ZNF721: variants seen among roughly 807,000 people sequenced by gnomAD.
ZNF721 encodes the protein zinc finger protein 721.
A neutral mutation model predicts 2.4 loss-of-function variants in ZNF721; 2 were observed. The observed-to-expected ratio is 0.82, with a 90% CI of 0.34 to 2.58. The LOEUF (loss-of-function observed/expected upper bound fraction) is 2.58. Ranked by LOEUF, ZNF721 falls within the 30% of genes most tolerant of loss-of-function variation. The pLI, the probability that ZNF721 is intolerant of heterozygous loss-of-function variation, is 0.11. For synonymous variants in ZNF721, 398 were observed against 381.8 expected (o/e 1.04, Z -0.50); for missense variants, 1,187 against 1,085.5 (o/e 1.09, Z -1.31).
Position 441,707 on chromosome 4 carries a change from G to A in ZNF721, c.2760C>T (p.Thr920=). 6.2e-7 allele frequency: 1 copy of A among 1,607,436 alleles called. No homozygotes were observed. Among genetic ancestry groups the A allele is most frequent in the South Asian group, 1.1e-5 (1 of 90,484 alleles). ...TTTGCCACATTCTTTACACTTGTATGGTTTTATCTCCAGTATGAATTTTCT... is the reference window on the plus strand; with the variant it reads ...TTTGCCACATTCTTTACACTTGTATAGTTTTATCTCCAGTATGAATTTTCT... ...AHKKIHTGDK[T]IQV Residue 920 remains threonine (T), a synonymous_variant, in exon 3 of 3, where the codon ACC becomes ACT. Transcript: ENST00000511833.
chr4:469,239 A>C (rs1475514984), intron 2 of ZNF721, among the ~76,000 whole-genome samples: 2 of 152,160 alleles, frequency 1.3e-5, no homozygotes, highest in Non-Finnish European at 2.9e-5. Flanking sequence ...CTGCCCCAAC[A>C]TACAAATATT....
In ZNF721 at chr4:499,133, A is replaced by C. The variant is rs540300813; in HGVS notation, c.-171T>G. The C allele has an allele frequency of 1.9e-5, 11 of 588,022 alleles. No individual in the cohort carries two copies. Among genetic ancestry groups the C allele is most frequent in the South Asian group, 1.1e-4 (5 of 43,994 alleles). The allele number at this position is 588,022 out of a possible 1,614,324, so 36.4% of individuals were successfully genotyped here. On this transcript the variant is annotated 5_prime_UTR_variant, in exon 1 of 3. Coordinates refer to ENST00000511833, the MANE Select transcript of ZNF721 (RefSeq NM_133474.4). ...GCCGGGAACACCGCCCGCTGTTCGTATGTCCGAGGTGACGCCCCGCTGTGG... is the reference window on the plus strand; with the variant it reads ...GCCGGGAACACCGCCCGCTGTTCGTCTGTCCGAGGTGACGCCCCGCTGTGG...
chr4:486,727 G>A (rs1248348573), intron 1 of ZNF721, among the ~76,000 whole-genome samples: 3 of 152,176 alleles, frequency 2.0e-5, no homozygotes, highest in African/African-American at 7.2e-5. Flanking sequence ...TATGATCAGT[G>A]CATTATAGGT....
In ZNF721 at chr4:482,302, T is replaced by C. The variant is rs149578863; in HGVS notation, c.-93-9601A>G. ...CCTCAACCTCCTGAGCCACTAGGATTACAGGCATGTGCCACCACACCTGGC... is the reference window on the plus strand; with the variant it reads ...CCTCAACCTCCTGAGCCACTAGGATCACAGGCATGTGCCACCACACCTGGC... On this transcript the variant is annotated intron_variant, in intron 1 of 2. Transcript: ENST00000511833. Among the ~76,000 whole-genome samples the C allele has an allele frequency of 3.2e-3, 483 of 152,252 alleles. 3 individuals carry two copies. The highest frequency in any genetic ancestry group is 0.01 in the African/African-American group (426 of 41,560).
chr4:484,622 T>C (rs1276041033), intron 1 of ZNF721, among the ~76,000 whole-genome samples: 13 of 152,192 alleles, frequency 8.5e-5, no homozygotes, highest in African/African-American at 1.4e-4. Context: ...AGAGATGAAA[T>C]AGACTCCAGT....
At chr4:493,399 C>G (rs1473125870) in intron 1 of ZNF721, among the ~76,000 whole-genome samples, 1 of 152,198 alleles carries the variant, frequency 6.6e-6, no homozygotes, top group East Asian at 1.9e-4. Context: ...GTAATCTAGG[C>G]CAGATGCAGT....
chr4:489,539 G>A (rs1715973864), intron 1 of ZNF721, among the ~76,000 whole-genome samples: 1 of 152,130 alleles, frequency 6.6e-6, no homozygotes, highest in Non-Finnish European at 1.5e-5. Flanking sequence ...CTCTCAGCTT[G>A]CAGCCCCTGC....
intron 1 of ZNF721, among the ~76,000 whole-genome samples, chr4:480,581 C>A (rs782058984): frequency 6.6e-6 from 1 of 152,170 alleles, no homozygotes; most frequent in Non-Finnish European, 1.5e-5. Flanking sequence ...TTATGAAATA[C>A]ATCATTCTAC....
intron 1 of ZNF721, among the ~76,000 whole-genome samples, chr4:492,354 C>T (rs183600521): frequency 3.6e-4 from 54 of 152,090 alleles, no homozygotes; most frequent in African/African-American, 1.2e-3. Context: ...AAAACATTCC[C>T]GTTAGACCTC....
chr4:486,007 T>C (rs1191193674), intron 1 of ZNF721, among the ~76,000 whole-genome samples: 1 of 151,782 alleles, frequency 6.6e-6, no homozygotes, highest in African/African-American at 2.4e-5. Flanking sequence ...AATAGATAGA[T>C]TCTGGCTTAA....
intron 1 of ZNF721, among the ~76,000 whole-genome samples, chr4:488,519 G>A (rs1715948852): frequency 6.6e-6 from 1 of 152,134 alleles, no homozygotes; most frequent in African/African-American, 2.4e-5. Context: ...ATCATTCCTT[G>A]TTTACTGTAT....
At chr4:449,313 T>A (rs546322831) in intron 2 of ZNF721, among the ~76,000 whole-genome samples, 1 of 152,104 alleles carries the variant, frequency 6.6e-6, no homozygotes, top group East Asian at 1.9e-4. Flanking sequence ...CACAAAAGTA[T>A]AGATTTTCCA....
chr4:470,017 G>T (rs111554723), intron 2 of ZNF721, among the ~76,000 whole-genome samples: 48 of 152,238 alleles, frequency 3.2e-4, no homozygotes, highest in African/African-American at 1.1e-3. Context: ...CGAGTAGCTA[G>T]GACTACAGGC....
At chr4:474,118 C>G (rs574302181) in intron 1 of ZNF721, 12 of 1,117,324 alleles carry the variant, frequency 1.1e-5, no homozygotes, top group African/African-American at 1.6e-5. Context: ...AAGTGAGGCC[C>G]TAACCGAGCT....
intron 1 of ZNF721, among the ~76,000 whole-genome samples, chr4:495,244 A>G (rs1325220210): frequency 6.6e-6 from 1 of 151,332 alleles, no homozygotes; most frequent in African/African-American, 2.4e-5. Context: ...TAAAAACTCA[A>G]GAGCAGCCTG....
intron 2 of ZNF721, among the ~76,000 whole-genome samples, chr4:464,361 T>G (rs1299641555): frequency 1.3e-5 from 2 of 151,066 alleles, no homozygotes; most frequent in Non-Finnish European, 2.9e-5. Flanking sequence ...TCCTAGCTAC[T>G]TGGGGGCTGA....
chr4:466,892 C>T (rs1394459653), intron 2 of ZNF721, among the ~76,000 whole-genome samples: 3 of 152,180 alleles, frequency 2.0e-5, no homozygotes, highest in Non-Finnish European at 4.4e-5. Flanking sequence ...AGTGAAAAAC[C>T]TCAAACATCC....
At chr4:471,815 A>G (rs1476681685) in intron 2 of ZNF721, among the ~76,000 whole-genome samples, 4 of 152,184 alleles carry the variant, frequency 2.6e-5, no homozygotes, top group South Asian at 2.1e-4. Context: ...ATTTTACTTT[A>G]CAATAAAATA....
In ZNF721 at chr4:477,432, G is replaced by A. The variant is rs1715660421; in HGVS notation, c.-93-4731C>T. Among the ~76,000 whole-genome samples, 4 of 152,018 alleles carry A rather than the reference G, an allele frequency of 2.6e-5. 1 individual carries two copies. The South Asian group carries it at 8.3e-4, about 32-fold the overall frequency. On this transcript the variant is annotated intron_variant, in intron 1 of 2. Coordinates refer to ENST00000511833, the MANE Select transcript of ZNF721 (RefSeq NM_133474.4). ...TTTTTGTATTTTTAGTAGAGACGGGGTCTCACCATGTTAGCCAGGATGGTC... is the reference window on the plus strand; with the variant it reads ...TTTTTGTATTTTTAGTAGAGACGGGATCTCACCATGTTAGCCAGGATGGTC...
Sources: gnomAD v4.1 joint callset for allele counts (sites outside exome capture counted in the v4.1 genomes callset) on GRCh38, gnomAD v4.1.1 for gene constraint, MANE v1.5 for transcripts, NCBI Gene and HGNC (gene_info 2026-07-23, HGNC 2026-07-21) for gene names.